Variants in MROH2B observed in about 807,000 individuals in gnomAD.
MROH2B encodes the protein maestro heat like repeat family member 2B.
Under a neutral mutation model 208.6 loss-of-function variants are expected in MROH2B, and 177 were observed. That is an observed-to-expected ratio of 0.85 (90% CI 0.75 to 0.96). The LOEUF is 0.96. Among genes scored for constraint, MROH2B ranks in the 40% least tolerant of loss-of-function variants. The pLI is 0.00. For synonymous variants in MROH2B, 728 were observed against 659.0 expected (o/e 1.10, Z -1.60); for missense variants, 2,002 against 1,878.7 (o/e 1.07, Z -1.21).
At chr5:41,036,564 C>T (rs1742766938) in intron 21 of MROH2B, among the ~76,000 whole-genome samples, 1 of 152,070 alleles carries the variant, frequency 6.6e-6, no homozygotes, top group South Asian at 2.1e-4. Flanking sequence ...ACTTTTGTAG[C>T]AACAAGGATG....
At chr5:41,039,748 T>C (rs1043136850) in intron 19 of MROH2B, among the ~76,000 whole-genome samples, 193 bp from the exon 20 acceptor site, 2 of 152,020 alleles carry the variant, frequency 1.3e-5, no homozygotes, top group African/African-American at 4.8e-5. Flanking sequence ...GGAAGTGAAA[T>C]AAGTAAACAC....
At chr5:41,027,938 C>T (rs992856928) in intron 24 of MROH2B, among the ~76,000 whole-genome samples, 17 of 151,832 alleles carry the variant, frequency 1.1e-4, no homozygotes, top group Admixed American at 3.3e-4. Context: ...TATTGCAAGG[C>T]CGAAAAACCA....
chr5:41,004,919 A>G lies in MROH2B; in HGVS notation c.3866T>C (p.Leu1289Pro). ...CTTCCAAAGGATTGGTTCCTTCATG[A>G]GCTGAAATAATCAACACACTCCTCC... The part of the protein sequence containing the change: ...RITGAAFFSE[L>P]MKEPILWKHG... Residue 1289 changes from leucine (L) to proline (P), a missense_variant and splice_region_variant, in exon 36 of 42, where the codon CTC (leucine) becomes CCC (proline). Transcript: ENST00000399564. The G allele has an allele frequency of 6.2e-7, 1 of 1,613,616 alleles. No homozygotes were observed. Among genetic ancestry groups the G allele is most frequent in the Non-Finnish European group, 8.5e-7 (1 of 1,179,728 alleles).
At position 41,049,288 on chromosome 5, in the gene MROH2B, G is replaced by C. The variant is rs750126047; in HGVS notation, c.1493C>G (p.Thr498Arg). Residue 498 changes from threonine (T) to arginine (R), a missense_variant, in exon 14 of 42, where the codon ACA (threonine) becomes AGA (arginine). Physicochemically the swap from Thr to Arg is moderately conservative, Grantham distance 71 (BLOSUM62 -1). Transcript: ENST00000399564. Reference protein sequence around the residue: ...AKESTALVVSTGAVKLPSPQQ... With the variant: ...AKESTALVVSRGAVKLPSPQQ... ...TTTATGAATGTACAGACCAGCTCCTGTAGAGACGACAAGTGCTGTCGACTC... is the reference window on the plus strand; with the variant it reads ...TTTATGAATGTACAGACCAGCTCCTCTAGAGACGACAAGTGCTGTCGACTC... The C allele has an allele frequency of 1.2e-6, 2 of 1,613,220 alleles. No individual in the cohort carries two copies. The highest frequency in any genetic ancestry group is 1.7e-6 in the Non-Finnish European group (2 of 1,179,562).
Position 41,038,936 on chromosome 5 carries a change from T to C in MROH2B, c.2062-48A>G, listed in dbSNP as rs1335903710. ...ATGAAAAATGTGACTGAAGGAGTTC[T>C]ATTTTCTCTCATGTTTTTTTCCTAA... On this transcript the variant is annotated intron_variant, in intron 20 of 41. Transcript: ENST00000399564. 3 of 1,535,388 alleles carry C rather than the reference T, an allele frequency of 2.0e-6. No individual in the cohort carries two copies. The East Asian group carries it at 6.8e-5, about 35-fold the overall frequency.
At chr5:41,065,065 A>G (rs1407457606) in intron 4 of MROH2B, among the ~76,000 whole-genome samples, 1 of 152,222 alleles carries the variant, frequency 6.6e-6, no homozygotes, top group East Asian at 1.9e-4. Flanking sequence ...TACACCTTAC[A>G]GAAAATGTGC....
chr5:41,049,215 G>A, intron 14 of MROH2B, 65 bp downstream of exon 14: 3 of 1,608,620 alleles, frequency 1.9e-6, no homozygotes, highest in East Asian at 2.2e-5. Context: ...TCAAAGCACT[G>A]TAGCCTTCCT....
At chr5:41,042,332 C>A in intron 18 of MROH2B, 124 bp from the exon 19 acceptor site, 1 of 564,276 alleles carries the variant, frequency 1.8e-6, no homozygotes. Context: ...AACCATGTAC[C>A]TCAAGTATTC....
intron 21 of MROH2B, among the ~76,000 whole-genome samples, chr5:41,036,010 G>A (rs564845469): frequency 1.3e-5 from 2 of 151,970 alleles, no homozygotes; most frequent in Admixed American, 6.6e-5. Context: ...AAAATGGATC[G>A]TTTTACCAAA....
chr5:41,018,908 G>C lies in MROH2B; in HGVS notation c.2552C>G (p.Thr851Arg). ...TTGAATGTGCTCCTTGTCCTTGTCTGTCTGGCCTTCACTTTTCAGATTTTC... is the reference window on the plus strand; with the variant it reads ...TTGAATGTGCTCCTTGTCCTTGTCTCTCTGGCCTTCACTTTTCAGATTTTC... ...PLENLKSEGQ[T>R]DKDKEHIQFL... is the part of the protein sequence containing the mutation. Residue 851 changes from threonine to arginine, a missense_variant, in exon 25 of 42, where the codon ACA becomes AGA. Physicochemically the swap from Thr to Arg is moderately conservative, Grantham distance 71. Transcript: ENST00000399564. 6.2e-7 allele frequency: 1 copy of C among 1,613,880 alleles called. No homozygotes were observed. The highest frequency in any genetic ancestry group is 8.5e-7 in the Non-Finnish European group (1 of 1,179,872).
At chr5:41,035,392 A>G (rs1045382121) in intron 21 of MROH2B, among the ~76,000 whole-genome samples, 1 of 152,162 alleles carries the variant, frequency 6.6e-6, no homozygotes, top group Admixed American at 6.6e-5. Context: ...TCATATGCAG[A>G]TAAATGAAAC....
At chr5:41,055,519 T>C (rs1361086706) in intron 10 of MROH2B, among the ~76,000 whole-genome samples, 3 of 148,858 alleles carry the variant, frequency 2.0e-5, no homozygotes, top group Non-Finnish European at 4.5e-5. Context: ...CTACTCATTC[T>C]TCTCAACTGG....
At position 41,008,813 on chromosome 5, in the gene MROH2B, C is replaced by T. The variant is rs1179192560; in HGVS notation, c.3421-20G>A. The T allele has an allele frequency of 3.1e-6, 5 of 1,595,722 alleles. No individual in the cohort carries two copies. The highest frequency in any genetic ancestry group is 4.3e-6 in the Non-Finnish European group (5 of 1,168,198). ...GGCCACCTGAGGGGAGAAAGGGCCT[C>T]TTGGTCAGGCAGTCTCATTTTCTCC... On this transcript the variant is annotated intron_variant, in intron 32 of 41. Coordinates refer to ENST00000399564, the MANE Select transcript of MROH2B (RefSeq NM_173489.5).
At chr5:41,065,981 A>C (rs1033251845) in intron 3 of MROH2B, among the ~76,000 whole-genome samples, 1 of 152,218 alleles carries the variant, frequency 6.6e-6, no homozygotes, top group Non-Finnish European at 1.5e-5. Context: ...AGAGGTAATT[A>C]GAGTGAATTT....
chr5:41,069,655 G>GA, intron 2 of MROH2B, 36 bp downstream of exon 2: 1 of 1,516,216 alleles, frequency 6.6e-7, no homozygotes, highest in Non-Finnish European at 9.0e-7. Flanking sequence ...CAAGAAGACT[G>GA]AAAAAGGGAA....
chr5:40,998,080 C>T lies in MROH2B; in HGVS notation c.4730G>A (p.Arg1577Lys). ...CAGAGGAATGCTTGTCTCTTTACAC[C>T]TTCTCAGGAGGGTTTGCAAAGCAGC... is the stretch of plus-strand genomic sequence containing the variant. ...AEAALQTLLR[R>K]CKETSIPL The change falls in exon 42 of 42, where the codon AGG becomes AAG. Residue 1577 changes from arginine to lysine, a missense_variant. Coordinates refer to ENST00000399564, the MANE Select transcript of MROH2B (RefSeq NM_173489.5). The T allele has an allele frequency of 1.2e-6, 2 of 1,611,780 alleles. No homozygotes were observed. The highest frequency in any genetic ancestry group is 1.7e-6 in the Non-Finnish European group (2 of 1,178,318).
intron 26 of MROH2B, 59 bp downstream of exon 26, chr5:41,018,632 G>C: frequency 6.4e-7 from 1 of 1,574,642 alleles, no homozygotes; most frequent in Non-Finnish European, 8.7e-7. Flanking sequence ...AGTTTGGAGT[G>C]GACATTGAAG....
At chr5:41,069,647 A>G in intron 2 of MROH2B, 44 bp downstream of exon 2, 1 of 1,442,566 alleles carries the variant, frequency 6.9e-7, no homozygotes, top group Non-Finnish European at 9.6e-7. Flanking sequence ...TGTTGCAACA[A>G]GAAGACTGAA....
At chr5:41,058,010 G>A (rs967846668) in intron 7 of MROH2B, 53 bp downstream of exon 7, 2 of 1,418,596 alleles carry the variant, frequency 1.4e-6, no homozygotes, top group Non-Finnish European at 1.9e-6. Flanking sequence ...AAAGCCTCCC[G>A]GAGGGTTGCA....
Sources: allele counts gnomAD v4.1 joint callset (sites outside exome capture counted in the v4.1 genomes callset), GRCh38; gene constraint gnomAD v4.1.1; transcripts MANE v1.5; gene names NCBI Gene and HGNC (gene_info 2026-07-23, HGNC 2026-07-21).